The following NLGN1 variants were observed in gnomAD, a reference collection of about 807,000 sequenced individuals.
NLGN1 encodes neuroligin-1.
NLGN1 carries 12 observed loss-of-function variants against 65.5 expected under a neutral mutation model. That is an observed-to-expected ratio of 0.18 (90% CI 0.12 to 0.30). The LOEUF (loss-of-function observed/expected upper bound fraction) is 0.30, where lower values mean the gene tolerates loss of function less well. Among genes scored for constraint, NLGN1 ranks in the 10% least tolerant of loss-of-function variants. The pLI is 1.00. For synonymous variants in NLGN1, 350 were observed against 359.5 expected (o/e 0.97, Z 0.30); for missense variants, 750 against 1,007.1 (o/e 0.74, Z 3.46).
At chr3:173,773,001 A>G (rs536431508) in intron 3 of NLGN1, among the ~76,000 whole-genome samples, 2 of 152,304 alleles carry the variant, frequency 1.3e-5, no homozygotes, top group Middle Eastern at 3.4e-3. Context: ...AAATTATTCC[A>G]GATCAACATT....
At chr3:173,950,924 T>C (rs1748084459) in intron 4 of NLGN1, among the ~76,000 whole-genome samples, 1 of 152,142 alleles carries the variant, frequency 6.6e-6, no homozygotes, top group Non-Finnish European at 1.5e-5. Context: ...TAGAGTGCAG[T>C]GGCGTGATCT....
chr3:174,093,990 A>C (rs1052848936), intron 4 of NLGN1, among the ~76,000 whole-genome samples: 3 of 152,148 alleles, frequency 2.0e-5, no homozygotes, highest in African/African-American at 4.8e-5. Context: ...TTTCCACTGA[A>C]ATTAATTTGG....
chr3:173,867,937 G>A (rs939169088), intron 4 of NLGN1, among the ~76,000 whole-genome samples: 4 of 152,148 alleles, frequency 2.6e-5, no homozygotes, highest in African/African-American at 9.7e-5. Context: ...AGCCCCATAG[G>A]AGAATGTTCT....
intron 2 of NLGN1, among the ~76,000 whole-genome samples, chr3:173,585,527 G>A (rs1298591248): frequency 6.6e-6 from 1 of 150,614 alleles, no homozygotes; most frequent in East Asian, 2.0e-4. Flanking sequence ...TCTCTCAACC[G>A]GACACTAAAG....
chr3:173,455,851 A>T (rs1320481748), intron 2 of NLGN1, among the ~76,000 whole-genome samples: 1 of 152,158 alleles, frequency 6.6e-6, no homozygotes, highest in African/African-American at 2.4e-5. Flanking sequence ...ATCTATAAGC[A>T]GAAGACGCAG....
intron 4 of NLGN1, among the ~76,000 whole-genome samples, chr3:173,855,345 T>A (rs1348251449): frequency 6.6e-6 from 1 of 152,144 alleles, no homozygotes; most frequent in Non-Finnish European, 1.5e-5. Context: ...TTCTTTAAAA[T>A]ATTTTAACTT....
At chr3:173,640,244 T>C (rs1757195668) in intron 3 of NLGN1, among the ~76,000 whole-genome samples, 1 of 152,182 alleles carries the variant, frequency 6.6e-6, no homozygotes, top group South Asian at 2.1e-4. Context: ...ATCTGAAGCC[T>C]GTATTTTAAT....
chr3:173,539,116 A>T (rs1447373261), intron 2 of NLGN1, among the ~76,000 whole-genome samples: 1 of 152,000 alleles, frequency 6.6e-6, no homozygotes, highest in Non-Finnish European at 1.5e-5. Flanking sequence ...GCTGTCTTTC[A>T]AGGGTGTCCC....
chr3:174,003,276 T>G (rs1324826493), intron 4 of NLGN1, among the ~76,000 whole-genome samples: 1 of 152,294 alleles, frequency 6.6e-6, no homozygotes, highest in African/African-American at 2.4e-5. Context: ...TTATTTCACT[T>G]TACCTGATAT....
chr3:174,291,010 A>G (rs1752708366), downstream of NLGN1, among the ~76,000 whole-genome samples: 1 of 150,154 alleles, frequency 6.7e-6, no homozygotes, highest in Non-Finnish European at 1.5e-5. Flanking sequence ...AACTCAAGAA[A>G]GAATTATAAA....
At chr3:173,787,898 T>C (rs920880232) in intron 3 of NLGN1, among the ~76,000 whole-genome samples, 2 of 152,192 alleles carry the variant, frequency 1.3e-5, no homozygotes, top group African/African-American at 4.8e-5. Flanking sequence ...AAATGCCTTT[T>C]AAACGTGATC....
intron 3 of NLGN1, among the ~76,000 whole-genome samples, chr3:173,806,945 C>T (rs1379809599): frequency 6.6e-6 from 1 of 152,040 alleles, no homozygotes; most frequent in African/African-American, 2.4e-5. Flanking sequence ...ATATTAGCCA[C>T]ACAAAGAAAG....
intron 4 of NLGN1, among the ~76,000 whole-genome samples, chr3:174,240,721 A>G (rs1450496893): frequency 1.3e-5 from 2 of 152,212 alleles, no homozygotes; most frequent in Non-Finnish European, 1.5e-5. Context: ...GGAATATTCA[A>G]GGGCTCAGAA....
intron 4 of NLGN1, among the ~76,000 whole-genome samples, chr3:174,066,554 CTCTCTCTCTCTG>C (rs1462868906): frequency 3.8e-5 from 5 of 132,998 alleles, no homozygotes; most frequent in African/African-American, 1.5e-4. Flanking sequence ...CTCTCTCTCT[CTCTCTCTCTCTG>C]TGTGTGTGTG....
At chr3:173,920,641 A>G (rs886240419) in intron 4 of NLGN1, 1 of 152,176 alleles carries the variant, frequency 6.6e-6, no homozygotes, top group Non-Finnish European at 1.5e-5. Flanking sequence ...TCAGTAGCTC[A>G]TAACACTCTA....
intron 4 of NLGN1, among the ~76,000 whole-genome samples, chr3:174,220,095 C>T (rs571055235): frequency 6.3e-4 from 95 of 151,496 alleles, no homozygotes; most frequent in South Asian, 1.9e-3. Context: ...ACAACACTAA[C>T]GAAAACAGAG....
At chr3:174,286,589 T>C (rs948836344) in exon 7 of NLGN1, 25 of 151,772 alleles carry the variant, frequency 1.6e-4, no homozygotes, top group African/African-American at 5.5e-4. Context: ...TGGACATCTA[T>C]GGCTTTCATT....
chr3:173,480,567 C>T (rs1684470089), intron 2 of NLGN1, among the ~76,000 whole-genome samples: 1 of 152,020 alleles, frequency 6.6e-6, no homozygotes, highest in Non-Finnish European at 1.5e-5. Flanking sequence ...CAGTTACTTT[C>T]CTTATCTCAT....
At chr3:174,077,712 C>T (rs1259934406) in intron 4 of NLGN1, among the ~76,000 whole-genome samples, 3 of 152,070 alleles carry the variant, frequency 2.0e-5, no homozygotes, top group Admixed American at 6.6e-5. Context: ...TGTGCCACCA[C>T]GCCCAGCCAA....
Sources: gnomAD v4.1 joint callset for allele counts (sites outside exome capture counted in the v4.1 genomes callset) on GRCh38, gnomAD v4.1.1 for gene constraint, MANE v1.5 for transcripts, NCBI Gene and HGNC (gene_info 2026-07-23, HGNC 2026-07-21) for gene names.